Variants in SYN2 observed in about 807,000 individuals in gnomAD.
SYN2 encodes the protein synapsin-2.
In SYN2, 19 loss-of-function variants were observed where a neutral mutation model predicts 50.9. That is an observed-to-expected ratio of 0.37 (90% confidence interval 0.26 to 0.55). The LOEUF (loss-of-function observed/expected upper bound fraction) is 0.55, where lower values mean the gene tolerates loss of function less well. Ranked by LOEUF, SYN2 falls within the 20% of genes least tolerant of loss-of-function variation. The pLI, the probability that SYN2 is intolerant of heterozygous loss-of-function variation, is 0.81. For missense variants in SYN2, 587 were observed against 576.4 expected (o/e 1.02, Z -0.19); for synonymous variants, 255 against 224.9 (o/e 1.13, Z -1.20).
intron 1 of SYN2, among the ~76,000 whole-genome samples, chr3:12,095,579 A>G (rs1241579249): frequency 9.7e-6 from 1 of 103,132 alleles, no homozygotes; most frequent in African/African-American, 4.5e-5. Context: ...AAAAAGGACC[A>G]TCATCCCCCA....
chr3:12,024,149 C>CTTTTTTTTTTT (rs35513783), intron 1 of SYN2, among the ~76,000 whole-genome samples: 1 of 68,304 alleles, frequency 1.5e-5, no homozygotes, highest in Non-Finnish European at 2.6e-5. Flanking sequence ...TCATTACTTC[C>CTTTTTTTTTTT]TTTTTTTTTT....
At chr3:12,043,760 C>T (rs188447382) in intron 1 of SYN2, among the ~76,000 whole-genome samples, 15 of 152,264 alleles carry the variant, frequency 9.9e-5, no homozygotes, top group Non-Finnish European at 1.6e-4. Flanking sequence ...ATGACCTTTC[C>T]TATGGAAAAG....
intron 1 of SYN2, among the ~76,000 whole-genome samples, chr3:12,079,650 G>A (rs1249844574): frequency 1.3e-5 from 2 of 152,154 alleles, no homozygotes; most frequent in African/African-American, 4.8e-5. Flanking sequence ...CAGGAATGAA[G>A]CCAATTTGAT....
At chr3:12,017,120 A>G (rs1046045744) in intron 1 of SYN2, among the ~76,000 whole-genome samples, 3 of 152,158 alleles carry the variant, frequency 2.0e-5, no homozygotes, top group African/African-American at 7.2e-5. Flanking sequence ...AGTTAAGAGT[A>G]AGAGAAAGAG....
intron 10 of SYN2, among the ~76,000 whole-genome samples, chr3:12,175,038 A>T (rs1487431581): frequency 6.6e-6 from 1 of 152,232 alleles, no homozygotes. Context: ...TCAAGGGTGT[A>T]CCAAGGGGAG....
At chr3:12,117,778 T>C (rs140529410) in intron 1 of SYN2, among the ~76,000 whole-genome samples, 1 of 152,326 alleles carries the variant, frequency 6.6e-6, no homozygotes, top group East Asian at 1.9e-4. Flanking sequence ...AGGATAGAGC[T>C]TCCTGCCCTG....
At chr3:12,009,519 C>A (rs908696600) in intron 1 of SYN2, among the ~76,000 whole-genome samples, 2 of 152,164 alleles carry the variant, frequency 1.3e-5, no homozygotes, top group African/African-American at 4.8e-5. Flanking sequence ...ACATTTTGCC[C>A]AAGGTCAAAT....
chr3:12,108,420 T>TA (rs1377415406), intron 1 of SYN2, among the ~76,000 whole-genome samples: 3 of 152,156 alleles, frequency 2.0e-5, no homozygotes, highest in East Asian at 1.9e-4. Flanking sequence ...AACAAACTGA[T>TA]AAAAAATCTC....
chr3:12,122,361 C>T (rs1489595721), intron 1 of SYN2, among the ~76,000 whole-genome samples: 1 of 152,112 alleles, frequency 6.6e-6, no homozygotes, highest in African/African-American at 2.4e-5. Flanking sequence ...TTAAGAGACT[C>T]TCGAGGCTGA....
At chr3:12,176,871 G>C (rs1698084517) in intron 10 of SYN2, among the ~76,000 whole-genome samples, 1 of 152,088 alleles carries the variant, frequency 6.6e-6, no homozygotes, top group African/African-American at 2.4e-5. Context: ...AGTGTAGGGA[G>C]TAAACTCTCT....
intron 1 of SYN2, among the ~76,000 whole-genome samples, chr3:12,060,812 A>C (rs1559404081): frequency 6.6e-6 from 1 of 152,178 alleles, no homozygotes; most frequent in East Asian, 1.9e-4. Context: ...CCTATTCCCA[A>C]TACATCATGT....
At chr3:12,099,782 G>A (rs186279519) in intron 1 of SYN2, among the ~76,000 whole-genome samples, 1 of 151,940 alleles carries the variant, frequency 6.6e-6, no homozygotes, top group Non-Finnish European at 1.5e-5. Flanking sequence ...GGCTAACACG[G>A]TGAAACCCCA....
intron 10 of SYN2, among the ~76,000 whole-genome samples, chr3:12,181,912 A>G (rs1698230759): frequency 6.6e-6 from 1 of 152,054 alleles, no homozygotes; most frequent in Admixed American, 6.6e-5. Context: ...ACTGTGCCTT[A>G]TGGATCCCAA....
chr3:12,185,500 C>A, intron 11 of SYN2: 1 of 985,812 alleles, frequency 1.0e-6, no homozygotes, highest in African/African-American at 1.7e-5. Context: ...TGTTATGTGC[C>A]CTCAGGCAGC....
At chr3:12,164,566 G>A (rs1005735188) in intron 7 of SYN2, among the ~76,000 whole-genome samples, 6 of 152,156 alleles carry the variant, frequency 3.9e-5, no homozygotes, top group Admixed American at 6.5e-5. Context: ...AGCAATCACC[G>A]TGGAGATCCA....
rs1413490765 is a variant in SYN2 at position 12,191,584 on chromosome 3, G to A, written c.*959G>A. ...GGTGTACATGTGTTTGCAAGTGTTT[G>A]AGAATGTGTCTGTCCTTTACATACC... On this transcript the variant is annotated 3_prime_UTR_variant, in exon 13 of 13. Coordinates refer to ENST00000621198, the MANE Select transcript of SYN2 (RefSeq NM_133625.6). Among the ~76,000 whole-genome samples, 1 of 152,092 alleles carries A rather than the reference G, an allele frequency of 6.6e-6. No homozygotes were observed. Among genetic ancestry groups the A allele is most frequent in the Non-Finnish European group, 1.5e-5 (1 of 68,020 alleles).
At chr3:12,116,742 CTTTA>C (rs916309350) in intron 1 of SYN2, among the ~76,000 whole-genome samples, 18 of 151,966 alleles carry the variant, frequency 1.2e-4, no homozygotes, top group African/African-American at 3.6e-4. Flanking sequence ...CTAGGGCATA[CTTTA>C]TTTATTTATT....
chr3:12,171,769 G>C (rs1697942408), intron 10 of SYN2, among the ~76,000 whole-genome samples: 1 of 152,162 alleles, frequency 6.6e-6, no homozygotes, highest in Non-Finnish European at 1.5e-5. Flanking sequence ...AACACACTAA[G>C]ACACTTTTAG....
At chr3:12,109,587 G>A (rs1222301051) in intron 1 of SYN2, among the ~76,000 whole-genome samples, 1 of 152,176 alleles carries the variant, frequency 6.6e-6, no homozygotes, top group Non-Finnish European at 1.5e-5. Flanking sequence ...GTAAATGTGA[G>A]TTCTCTTTTC....
Sources: gnomAD v4.1 joint callset for allele counts (sites outside exome capture counted in the v4.1 genomes callset) on GRCh38, gnomAD v4.1.1 for gene constraint, MANE v1.5 for transcripts, NCBI Gene and HGNC (gene_info 2026-07-23, HGNC 2026-07-21) for gene names.